The following SPATA13 variants were observed in gnomAD, a reference collection of about 807,000 sequenced individuals.
The protein encoded by SPATA13 is spermatogenesis associated 13.
A neutral mutation model predicts 104.0 loss-of-function variants in SPATA13; 50 were observed. That is an observed-to-expected ratio of 0.48 (90% confidence interval 0.38 to 0.61). The LOEUF (loss-of-function observed/expected upper bound fraction) is 0.61, where lower values mean the gene tolerates loss of function less well. Ranked by LOEUF, SPATA13 falls within the 20% of genes least tolerant of loss-of-function variation. SPATA13 has a pLI of 0.00. For missense variants in SPATA13, 1,524 were observed against 1,690.6 expected, an observed-to-expected ratio of 0.90 and a Z score of 1.73; for synonymous variants, 606 against 667.5, an observed-to-expected ratio of 0.91 and a Z score of 1.42.
intron 3 of SPATA13, among the ~76,000 whole-genome samples, chr13:24,134,393 C>T (rs530349223): frequency 2.0e-5 from 3 of 152,250 alleles, no homozygotes; most frequent in African/African-American, 4.8e-5. Context: ...AACAAGCCCC[C>T]GGCTGACTTC....
At chr13:24,022,493 G>A (rs989943729) in intron 3 of SPATA13, among the ~76,000 whole-genome samples, 1 of 152,146 alleles carries the variant, frequency 6.6e-6, no homozygotes. Flanking sequence ...TGTTTAATGA[G>A]TACAGAGTTT....
intron 4 of SPATA13, chr13:24,278,765 T>C: frequency 1.3e-6 from 2 of 1,598,382 alleles, no homozygotes; most frequent in Non-Finnish European, 1.7e-6. Context: ...CAAGGACTCA[T>C]ACTCAAAAAA....
rs550285586 is a variant in SPATA13, at chr13:24,304,845, G to C, written c.*2072G>C. On this transcript the variant is annotated 3_prime_UTR_variant, in exon 13 of 13. Coordinates refer to ENST00000382108, the MANE Select transcript of SPATA13 (RefSeq NM_001166271.3). ...TGGAGAGGTCCTGTGGCATGTGTGG[G>C]GGTGTGTGTGTGTATGTTTCCTTCT... 2.0e-5 allele frequency: 3 copies of C among 152,198 alleles called. No homozygotes were observed. The highest frequency in any genetic ancestry group is 2.9e-5 in the Non-Finnish European group (2 of 68,048). The allele number at this position is 152,198 out of a possible 1,614,324, so 9.4% of individuals were successfully genotyped here.
intron 1 of SPATA13, among the ~76,000 whole-genome samples, chr13:24,211,910 G>A (rs370856332): frequency 3.8e-4 from 58 of 152,220 alleles, no homozygotes; most frequent in African/African-American, 1.1e-3. Flanking sequence ...TAGAGCATCC[G>A]TGTGTCGGCT....
rs1360832908 is a variant in SPATA13 at position 24,303,335 on chromosome 13, T to TC, written c.*562_*563insC. The TC allele has an allele frequency of 6.8e-6, 2 of 294,742 alleles. No homozygotes were observed. Among genetic ancestry groups the TC allele is most frequent in the Non-Finnish European group, 1.4e-5 (2 of 144,192 alleles). The allele number at this position is 294,742 out of a possible 1,614,324, so 18.3% of individuals were successfully genotyped here. ...CCACGGTGTTCCCTGGCATCGTCTG[T>TC]GTCCACACAGATGCTAACTGGTAGT... On this transcript the variant is annotated 3_prime_UTR_variant, in exon 13 of 13. Transcript: ENST00000382108.
At chr13:24,195,316 A>G (rs1000558620) in intron 1 of SPATA13, among the ~76,000 whole-genome samples, 1 of 152,204 alleles carries the variant, frequency 6.6e-6, no homozygotes, top group Non-Finnish European at 1.5e-5. Context: ...ATAATATTCA[A>G]TTATGTGGAT....
At chr13:24,277,655 C>T (rs1424548005) in intron 4 of SPATA13, among the ~76,000 whole-genome samples, 3 of 152,102 alleles carry the variant, frequency 2.0e-5, no homozygotes. Context: ...CTTCTTGGAA[C>T]CTCAGTTTCC....
intron 3 of SPATA13, among the ~76,000 whole-genome samples, chr13:24,084,084 A>G (rs1879635626): frequency 6.6e-6 from 1 of 151,018 alleles, no homozygotes; most frequent in Non-Finnish European, 1.5e-5. Context: ...CTTCTCAGAA[A>G]GAGAAAGGGG....
rs201481847 is a variant in SPATA13 at position 24,237,991 on chromosome 13, A to AATAT, written c.1654-11476_1654-11473dup. On this transcript the variant is annotated intron_variant, in intron 2 of 12. Transcript: ENST00000382108. ...AAATATGCAATATATAAACATGTATAATATATATATATAAATATATATATT... is the reference window on the plus strand; with the variant it reads ...AAATATGCAATATATAAACATGTATAATATATATATATATATAAATATATATATT... Among the ~76,000 whole-genome samples the AATAT allele has an allele frequency of 1.2e-3, 119 of 95,764 alleles. 1 individual carries two copies. Among genetic ancestry groups the AATAT allele is most frequent in the Non-Finnish European group, 2.3e-3 (103 of 44,000 alleles). 62.8% of individuals were successfully genotyped at this position (95,764 alleles called of 152,430 possible).
intron 3 of SPATA13, among the ~76,000 whole-genome samples, chr13:24,076,619 G>A (rs532745964): frequency 2.6e-5 from 4 of 152,098 alleles, no homozygotes; most frequent in East Asian, 1.9e-4. Context: ...CTGGTGACCC[G>A]GGGTCTGGGG....
chr13:24,246,153 AT>A (rs1458458739), intron 2 of SPATA13, among the ~76,000 whole-genome samples: 2 of 152,192 alleles, frequency 1.3e-5, no homozygotes, highest in African/African-American at 4.8e-5. Context: ...CTGCACGTCC[AT>A]TTGTGAGCAG....
intron 3 of SPATA13, among the ~76,000 whole-genome samples, chr13:24,019,150 G>C (rs1160480475): frequency 1.3e-5 from 2 of 148,862 alleles, no homozygotes; most frequent in South Asian, 4.3e-4. Context: ...GTGCAGTGGC[G>C]GGATCTCGGC....
intron 1 of SPATA13, among the ~76,000 whole-genome samples, chr13:24,199,514 T>C (rs1344667530): frequency 2.6e-5 from 4 of 152,268 alleles, no homozygotes; most frequent in Non-Finnish European, 4.4e-5. Context: ...AGAATCTTTC[T>C]GCTGATTTGT....
chr13:24,121,633 C>G (rs1566111470), intron 3 of SPATA13, among the ~76,000 whole-genome samples: 2 of 152,110 alleles, frequency 1.3e-5, no homozygotes, highest in African/African-American at 4.8e-5. Context: ...AGAAATTGGA[C>G]AAATGCTCAT....
chr13:24,205,169 A>G lies in SPATA13; in HGVS notation c.-111-17650A>G, dbSNP rs1870632984. On this transcript the variant is annotated intron_variant, in intron 1 of 12. Transcript: ENST00000382108. The surrounding 1 kb of genome is among the most constrained non-coding windows in gnomAD (Gnocchi z 4.1). ...GTCAAACTATCCCTGTTTGCAGATG[A>G]CATGATTCTGTATCCTGAAAACCCC... 6.6e-6 allele frequency among the ~76,000 whole-genome samples: 1 copy of G among 152,194 alleles called. No individual in the cohort carries two copies. Among genetic ancestry groups the G allele is most frequent in the African/African-American group, 2.4e-5 (1 of 41,450 alleles).
rs768437129 is a variant in SPATA13 at position 24,286,939 on chromosome 13, G to A, written c.2656G>A (p.Asp886Asn). 6.2e-7 allele frequency: 1 copy of A among 1,613,324 alleles called. No homozygotes were observed. The highest frequency in any genetic ancestry group is 8.5e-7 in the Non-Finnish European group (1 of 1,179,668). Reference protein sequence around the residue: ...TERVYIKHLRDICEGYIRQCR... With the variant: ...TERVYIKHLRNICEGYIRQCR... ...GCGGGTGTACATCAAACACCTCAGG[G>A]ACATCTGTGAGGTGGGACGCCAGGC... Residue 886 changes from aspartate to asparagine, a missense_variant, in exon 7 of 13, where the codon GAC becomes AAC. By Grantham distance (23) the Asp-to-Asn change is conservative. Coordinates refer to ENST00000382108, the MANE Select transcript of SPATA13 (RefSeq NM_001166271.3). This position sits in a 1 kb window ranked among gnomAD's most constrained non-coding sequence, Gnocchi z 4.9.
chr13:24,222,953 C>T lies in SPATA13; in HGVS notation c.24C>T (p.Pro8=). The change falls in exon 2 of 13, where the codon CCC becomes CCT. Residue 8 remains proline, a synonymous_variant. Coordinates refer to ENST00000382108, the MANE Select transcript of SPATA13 (RefSeq NM_001166271.3). MTQAAVR[P]WAPCLENMTT... Reference sequence around the variant, plus strand: ...CCATGACCCAGGCTGCCGTGCGGCCCTGGGCACCCTGCCTGGAGAACATGA... The same window carrying T: ...CCATGACCCAGGCTGCCGTGCGGCCTTGGGCACCCTGCCTGGAGAACATGA... The T allele has an allele frequency of 6.4e-7, 1 of 1,551,230 alleles. No individual in the cohort carries two copies. Among genetic ancestry groups the T allele is most frequent in the Non-Finnish European group, 8.7e-7 (1 of 1,146,786 alleles).
At chr13:23,985,135 G>A (rs556735039) in intron 2 of SPATA13, among the ~76,000 whole-genome samples, 18 of 152,340 alleles carry the variant, frequency 1.2e-4, no homozygotes, top group African/African-American at 3.8e-4. Context: ...TTCCTCAGGC[G>A]TGGGCATAGT....
At chr13:24,033,029 A>G (rs1323134047) in intron 3 of SPATA13, among the ~76,000 whole-genome samples, 1 of 152,158 alleles carries the variant, frequency 6.6e-6, no homozygotes, top group Non-Finnish European at 1.5e-5. Context: ...AAAAATTCAG[A>G]TTTTTTTCTA....
Sources: allele counts gnomAD v4.1 joint callset (sites outside exome capture counted in the v4.1 genomes callset), GRCh38; gene constraint gnomAD v4.1.1; non-coding constraint Gnocchi (gnomAD v3.1); transcripts MANE v1.5; gene names NCBI Gene and HGNC (gene_info 2026-07-23, HGNC 2026-07-21).